UPP2: variants seen among roughly 807,000 people sequenced by gnomAD.
UPP2 encodes uridine phosphorylase 2.
UPP2 carries 23 observed loss-of-function variants against 26.7 expected under a neutral mutation model. The ratio of observed to expected loss-of-function variants is 0.86; its 90% CI spans 0.62 to 1.22. The LOEUF is 1.22. UPP2 is among the 50% of genes most tolerant of loss of function. UPP2 has a pLI of 0.00. For synonymous variants in UPP2, 127 were observed against 141.3 expected (o/e 0.90, Z 0.72); for missense variants, 387 against 396.7 (o/e 0.98, Z 0.21).
chr2:158,040,501 G>C (rs1684069089), intron 3 of UPP2, among the ~76,000 whole-genome samples: 1 of 152,184 alleles, frequency 6.6e-6, no homozygotes, highest in South Asian at 2.1e-4. Context: ...ACATCTGAGT[G>C]CTATTTTTAT....
At chr2:158,003,996 C>A (rs1683449249) in intron 2 of UPP2, among the ~76,000 whole-genome samples, 1 of 152,046 alleles carries the variant, frequency 6.6e-6, no homozygotes, top group African/African-American at 2.4e-5. Context: ...GTGCCAACAA[C>A]ATGGTGTTAT....
intron 6 of UPP2, among the ~76,000 whole-genome samples, chr2:158,134,228 T>C (rs1683883811): frequency 6.6e-6 from 1 of 152,228 alleles, no homozygotes; most frequent in Non-Finnish European, 1.5e-5. Context: ...CTCACGTTTA[T>C]TGGTATTTCC....
chr2:158,106,085 A>C lies in UPP2; in HGVS notation c.63-14A>C, dbSNP rs1558932666. 10 of 1,528,728 alleles carry C rather than the reference A, an allele frequency of 6.5e-6. No individual in the cohort carries two copies. Among genetic ancestry groups the C allele is most frequent in the Non-Finnish European group, 8.0e-6 (9 of 1,129,096 alleles). The allele number at this position is 1,528,728 out of a possible 1,614,324, so 94.7% of individuals were successfully genotyped here. On this transcript the variant is annotated splice_polypyrimidine_tract_variant and intron_variant, in intron 1 of 6. Coordinates refer to ENST00000005756, the MANE Select transcript of UPP2 (RefSeq NM_173355.4). ...AATTCTTTTATATCTTCTTTGTATA[A>C]TTTTTTTTTCCAGAAAAAGGTTTGT...
chr2:158,081,539 C>T (rs1312110152), intron 3 of UPP2, among the ~76,000 whole-genome samples: 1 of 152,124 alleles, frequency 6.6e-6, no homozygotes, highest in Non-Finnish European at 1.5e-5. Context: ...CAGCACTGTT[C>T]ATAATAGCCA....
intron 3 of UPP2, among the ~76,000 whole-genome samples, chr2:158,092,570 T>A (rs964941581): frequency 6.6e-6 from 1 of 152,166 alleles, no homozygotes; most frequent in Non-Finnish European, 1.5e-5. Flanking sequence ...TATTATATAA[T>A]GTACTTTAGA....
intron 6 of UPP2, among the ~76,000 whole-genome samples, chr2:158,129,000 T>C (rs528809084): frequency 6.6e-6 from 1 of 152,106 alleles, no homozygotes; most frequent in Non-Finnish European, 1.5e-5. Flanking sequence ...AGGGACAAGA[T>C]TTTTACAAAG....
chr2:158,005,366 A>G (rs1046197143), intron 2 of UPP2, among the ~76,000 whole-genome samples: 2 of 152,232 alleles, frequency 1.3e-5, no homozygotes, highest in African/African-American at 4.8e-5. Flanking sequence ...GAAATGTTTA[A>G]GCAGGAGAAC....
chr2:158,041,582 C>T (rs1278965550), intron 3 of UPP2, among the ~76,000 whole-genome samples: 2 of 152,190 alleles, frequency 1.3e-5, no homozygotes, highest in Non-Finnish European at 2.9e-5. Flanking sequence ...CACTTTGTTG[C>T]AATCAATTTG....
rs1483533049 is a variant in UPP2, at chr2:158,135,773, TG to T, written c.*885del. 1 of 152,220 alleles carries T rather than the reference TG, an allele frequency of 6.6e-6. No homozygotes were observed. Among genetic ancestry groups the T allele is most frequent in the Non-Finnish European group, 1.5e-5 (1 of 68,050 alleles). The allele number at this position is 152,220 out of a possible 1,614,324, so 9.4% of individuals were successfully genotyped here. A position where few individuals can be genotyped will look rare whatever the true frequency, so the allele number is the denominator to read the frequency against. ...TACCCGTTTGATTCTCTGGGAGGCA[TG>T]GTGCTCCTCCTGGCTGCACATGCTC... On this transcript the variant is annotated 3_prime_UTR_variant, in exon 7 of 7. Transcript: ENST00000005756.
At chr2:158,048,042 T>C (rs938562833) in intron 3 of UPP2, among the ~76,000 whole-genome samples, 3 of 152,162 alleles carry the variant, frequency 2.0e-5, no homozygotes, top group Non-Finnish European at 4.4e-5. Flanking sequence ...TGAGATTACA[T>C]AGCCAGATGT....
At chr2:158,008,199 A>G (rs1034302908) in intron 2 of UPP2, among the ~76,000 whole-genome samples, 1 of 152,202 alleles carries the variant, frequency 6.6e-6, no homozygotes, top group South Asian at 2.1e-4. Flanking sequence ...ATTTGCTTAT[A>G]AATATATTCG....
In UPP2 at chr2:157,997,899, G is replaced by C. The variant is rs543003268; in HGVS notation, c.61+2640G>C. Among the ~76,000 whole-genome samples, 48 of 152,304 alleles carry C rather than the reference G, an allele frequency of 3.2e-4. No homozygotes were observed. The South Asian group carries it at 8.1e-3, about 26-fold the overall frequency. ...TCCAAATCTCAGTATGTTGTAGGTG[G>C]ATAAGTACACACAATGACCTGGGAA... On this transcript the variant is annotated intron_variant, in intron 2 of 9. Coordinates refer to the UPP2 transcript ENST00000605860.
intron 3 of UPP2, among the ~76,000 whole-genome samples, chr2:158,082,017 G>A (rs779465833): frequency 8.7e-5 from 13 of 150,284 alleles, no homozygotes; most frequent in Non-Finnish European, 1.5e-4. Flanking sequence ...GCTCTATCTC[G>A]GCTCACTGCA....
chr2:158,078,991 G>A (rs548970350), intron 3 of UPP2, among the ~76,000 whole-genome samples: 13 of 152,176 alleles, frequency 8.5e-5, no homozygotes, highest in African/African-American at 3.1e-4. Flanking sequence ...AATCATGGGG[G>A]CAGTTTCCCA....
intron 3 of UPP2, among the ~76,000 whole-genome samples, chr2:158,024,239 G>A (rs931399780): frequency 6.6e-6 from 1 of 152,126 alleles, no homozygotes; most frequent in Non-Finnish European, 1.5e-5. Context: ...AAAGACCTGG[G>A]CTTCCTGGGA....
chr2:158,038,706 T>C (rs766118148), intron 3 of UPP2, among the ~76,000 whole-genome samples: 6 of 152,220 alleles, frequency 3.9e-5, no homozygotes, highest in African/African-American at 9.6e-5. Context: ...GGAGAGAATT[T>C]TTTTTACTCT....
intron 2 of UPP2, among the ~76,000 whole-genome samples, chr2:157,997,793 G>A (rs1306801353): frequency 6.6e-6 from 1 of 152,156 alleles, no homozygotes; most frequent in Admixed American, 6.6e-5. Flanking sequence ...TTCATCTGGG[G>A]AAGATGCTTT....
chr2:158,130,457 A>T (rs563005255), intron 6 of UPP2, among the ~76,000 whole-genome samples: 2 of 70,610 alleles, frequency 2.8e-5, no homozygotes, highest in Non-Finnish European at 5.9e-5. Context: ...TCTCAAAAAA[A>T]AAAACAAAAA....
chr2:158,121,395 T>C lies in UPP2; in HGVS notation c.455-14T>C. 1 of 1,603,514 alleles carries C rather than the reference T, an allele frequency of 6.2e-7. No individual in the cohort carries two copies. Among genetic ancestry groups the C allele is most frequent in the Non-Finnish European group, 8.5e-7 (1 of 1,170,046 alleles). Reference sequence around the variant, plus strand: ...AACGATATTCTTCTGTAATCATTTATTCCCACATTGCAGGGATTGCACCAG... The same window carrying C: ...AACGATATTCTTCTGTAATCATTTACTCCCACATTGCAGGGATTGCACCAG... On this transcript the variant is annotated splice_polypyrimidine_tract_variant and intron_variant, in intron 4 of 6. Transcript: ENST00000005756.
Sources: allele counts gnomAD v4.1 joint callset (sites outside exome capture counted in the v4.1 genomes callset), GRCh38; gene constraint gnomAD v4.1.1; transcripts MANE v1.5; gene names NCBI Gene and HGNC (gene_info 2026-07-23, HGNC 2026-07-21).